Variants in FGF12 observed in about 807,000 individuals in gnomAD.
FGF12 encodes fibroblast growth factor 12B.
A neutral mutation model predicts 23.6 loss-of-function variants in FGF12; 14 were observed. The observed-to-expected ratio is 0.59, with a 90% confidence interval of 0.39 to 0.93. FGF12 has a LOEUF of 0.93. Ranked by LOEUF, FGF12 falls within the 40% of genes least tolerant of loss-of-function variation. The pLI, the probability that FGF12 is intolerant of heterozygous loss-of-function variation, is 0.00. For missense variants in FGF12, 175 were observed against 217.8 expected (o/e 0.80, Z 1.24); for synonymous variants, 62 against 77.3 (o/e 0.80, Z 1.04).
At chr3:192,600,597 C>T (rs1337510834) in intron 2 of FGF12, among the ~76,000 whole-genome samples, 1 of 151,864 alleles carries the variant, frequency 6.6e-6, no homozygotes, top group African/African-American at 2.4e-5. Flanking sequence ...AACATCTCAA[C>T]AGCAAAAAAC....
chr3:192,306,609 G>C lies in FGF12; in HGVS notation c.228+28752C>G, dbSNP rs1715664583. 2.0e-5 allele frequency among the ~76,000 whole-genome samples: 3 copies of C among 152,166 alleles called. 1 individual carries two copies. In the South Asian group the frequency reaches 6.2e-4, roughly 32 times the overall value. ...TGACATATATTTCTAAGGGGCAAAT[G>C]AATGAATTCTAGTTCTCAACCCTGT... On this transcript the variant is annotated intron_variant, in intron 4 of 5. Transcript: ENST00000445105.
intron 2 of FGF12, among the ~76,000 whole-genome samples, chr3:192,587,654 T>C (rs922112139): frequency 5.3e-5 from 8 of 151,680 alleles, no homozygotes; most frequent in Admixed American, 3.9e-4. Context: ...TATCACTGTA[T>C]TTTTAATTTT....
At chr3:192,626,828 G>A (rs1008128761) in intron 2 of FGF12, among the ~76,000 whole-genome samples, 18 of 152,028 alleles carry the variant, frequency 1.2e-4, no homozygotes, top group Admixed American at 2.6e-4. Context: ...GGCTGATGTC[G>A]AACTCCTGGC....
At chr3:192,504,536 A>G (rs1045552918) in intron 2 of FGF12, among the ~76,000 whole-genome samples, 26 of 151,990 alleles carry the variant, frequency 1.7e-4, no homozygotes, top group Admixed American at 1.7e-3. Context: ...GGGAAGAGAA[A>G]ACTTTTGTGT....
intron 2 of FGF12, among the ~76,000 whole-genome samples, chr3:192,503,573 TG>T (rs1405567912): frequency 4.0e-4 from 23 of 56,816 alleles, no homozygotes; most frequent in Admixed American, 2.4e-3. Flanking sequence ...GTTTTTGTTT[TG>T]GTTTTTTTTT....
At chr3:192,607,042 C>A (rs1337021728) in intron 2 of FGF12, among the ~76,000 whole-genome samples, 1 of 150,168 alleles carries the variant, frequency 6.7e-6, no homozygotes, top group Non-Finnish European at 1.5e-5. Context: ...CACGCAGGTA[C>A]ACTATCCATT....
chr3:192,656,304 CACACACACACACACACAG>C (rs1716417098), intron 2 of FGF12, among the ~76,000 whole-genome samples: 1 of 92,568 alleles, frequency 1.1e-5, no homozygotes, highest in Middle Eastern at 6.9e-3. Flanking sequence ...CACACACACA[CACACACACACACACACAG>C]AGAGAGAATT....
intron 3 of FGF12, among the ~76,000 whole-genome samples, chr3:192,340,961 G>T (rs1395622569): frequency 6.6e-6 from 1 of 152,056 alleles, no homozygotes; most frequent in Admixed American, 6.6e-5. Context: ...AGACAAGTGG[G>T]ATTACATTAA....
intron 2 of FGF12, among the ~76,000 whole-genome samples, chr3:192,649,480 C>A (rs1196630582): frequency 1.8e-4 from 27 of 152,092 alleles, no homozygotes; most frequent in Non-Finnish European, 2.9e-5. Flanking sequence ...ATTATTATAA[C>A]TTTGAGTTGT....
At chr3:192,683,617 T>TA (rs1274907964) in intron 2 of FGF12, among the ~76,000 whole-genome samples, 2 of 152,138 alleles carry the variant, frequency 1.3e-5, no homozygotes, top group Non-Finnish European at 2.9e-5. Context: ...AAGCAGCTGT[T>TA]ACAAAGTTTA....
At chr3:192,521,498 A>T (rs1436753062) in intron 2 of FGF12, 1 of 152,230 alleles carries the variant, frequency 6.6e-6, no homozygotes, top group Non-Finnish European at 1.5e-5. Flanking sequence ...TCAGTTCAGG[A>T]TAATAAATAC....
chr3:192,507,892 ACT>A (rs1724361274), intron 2 of FGF12, among the ~76,000 whole-genome samples: 1 of 152,188 alleles, frequency 6.6e-6, no homozygotes, highest in African/African-American at 2.4e-5. Context: ...AATGACTGTA[ACT>A]CTGCTATCCA....
intron 2 of FGF12, among the ~76,000 whole-genome samples, chr3:192,647,243 G>T (rs1716037936): frequency 6.6e-6 from 1 of 152,070 alleles, no homozygotes; most frequent in African/African-American, 2.4e-5. Flanking sequence ...TGAATGATAA[G>T]ATTGATCAAA....
At chr3:192,377,060 C>T (rs986076904) in intron 2 of FGF12, among the ~76,000 whole-genome samples, 3 of 152,216 alleles carry the variant, frequency 2.0e-5, no homozygotes, top group African/African-American at 7.2e-5. Context: ...GATATTGAAC[C>T]TCACCCAGGA....
At chr3:192,252,774 A>T (rs1712123409) in intron 4 of FGF12, among the ~76,000 whole-genome samples, 1 of 152,078 alleles carries the variant, frequency 6.6e-6, no homozygotes, top group Non-Finnish European at 1.5e-5. Flanking sequence ...GAAAAATAGT[A>T]CTTAATTCAC....
At chr3:192,183,851 G>C (rs929809275) in intron 4 of FGF12, among the ~76,000 whole-genome samples, 2 of 152,180 alleles carry the variant, frequency 1.3e-5, no homozygotes, top group African/African-American at 2.4e-5. Flanking sequence ...CAGTCCAGGG[G>C]TCTGCCCTCT....
chr3:192,569,347 T>C (rs948175454), intron 2 of FGF12, among the ~76,000 whole-genome samples: 4 of 152,352 alleles, frequency 2.6e-5, no homozygotes, highest in East Asian at 1.9e-4. Flanking sequence ...ATTTGAGTCA[T>C]TCCTCAGGAC....
intron 2 of FGF12, among the ~76,000 whole-genome samples, chr3:192,563,965 A>AT (rs1712154593): frequency 6.6e-6 from 1 of 152,164 alleles, no homozygotes; most frequent in African/African-American, 2.4e-5. Context: ...GTATGCCTAC[A>AT]TTTTTCAGTG....
chr3:192,451,361 A>G (rs1265886655), intron 2 of FGF12, among the ~76,000 whole-genome samples: 1 of 152,196 alleles, frequency 6.6e-6, no homozygotes, highest in Non-Finnish European at 1.5e-5. Context: ...AGAATGGGAG[A>G]ACTGTGAGAA....
Sources: allele counts gnomAD v4.1 joint callset (sites outside exome capture counted in the v4.1 genomes callset), GRCh38; gene constraint gnomAD v4.1.1; transcripts MANE v1.5; gene names NCBI Gene and HGNC (gene_info 2026-07-23, HGNC 2026-07-21).